The following ZNF417 variants were observed in gnomAD, a reference collection of about 807,000 sequenced individuals.
The protein encoded by ZNF417 is zinc finger protein 417.
A neutral mutation model predicts 7.4 loss-of-function variants in ZNF417; 5 were observed. The ratio of observed to expected loss-of-function variants is 0.68; its 90% CI spans 0.35 to 1.43. The LOEUF (loss-of-function observed/expected upper bound fraction) is 1.43. ZNF417 is among the 40% of genes most tolerant of loss of function. The probability of loss-of-function intolerance (pLI) is 0.04; values close to 1 mark genes in which losing one functional copy is unlikely to be tolerated. For synonymous variants in ZNF417, 147 were observed against 239.1 expected (o/e 0.61, Z 3.55); for missense variants, 437 against 697.3 (o/e 0.63, Z 4.20).
At position 57,908,844 on chromosome 19, in the gene ZNF417, G is replaced by A. The variant is rs376343392; in HGVS notation, c.1434C>T (p.Cys478=). Residue 478 remains cysteine (C), a synonymous_variant, in exon 3 of 3, where the codon TGC becomes TGT. Transcript: ENST00000312026. ...TGTGAATCCTCTGATGTATAGTCAC[G>A]CAGTTCTTATTACCAAATAATTTCC... is the stretch of plus-strand genomic sequence containing the variant. ...VCGKLFGNKN[C]VTIHQRIHTG... The A allele has an allele frequency of 4.2e-5, 68 of 1,614,064 alleles. No individual in the cohort carries two copies. Among genetic ancestry groups the A allele is most frequent in the African/African-American group, 3.2e-4 (24 of 75,002 alleles).
In ZNF417 at chr19:57,916,513, T is replaced by G; in HGVS notation, c.-102A>C. ...GACGATTCCTCTCCACCTTCTAGGTTCAGTCACCGCGGTCCCCCCCCAGCA... is the reference window on the plus strand; with the variant it reads ...GACGATTCCTCTCCACCTTCTAGGTGCAGTCACCGCGGTCCCCCCCCAGCA... On this transcript the variant is annotated 5_prime_UTR_variant, in exon 1 of 3. Transcript: ENST00000312026. 6.3e-7 allele frequency: 1 copy of G among 1,595,192 alleles called. No homozygotes were observed. Among genetic ancestry groups the G allele is most frequent in the African/African-American group, 1.3e-5 (1 of 74,614 alleles).
At chr19:57,913,632 G>A (rs2071918918) in intron 1 of ZNF417, among the ~76,000 whole-genome samples, 1 of 152,118 alleles carries the variant, frequency 6.6e-6, no homozygotes, top group African/African-American at 2.4e-5. Flanking sequence ...CACCAACTCA[G>A]GCAGAAGTGT....
Position 57,908,542 on chromosome 19 carries a change from C to T in ZNF417, c.*8G>A. 1 of 1,612,996 alleles carries T rather than the reference C, an allele frequency of 6.2e-7. No individual in the cohort carries two copies. The highest frequency in any genetic ancestry group is 8.5e-7 in the Non-Finnish European group (1 of 1,178,946). On this transcript the variant is annotated 3_prime_UTR_variant, in exon 3 of 3. Coordinates refer to ENST00000312026, the MANE Select transcript of ZNF417 (RefSeq NM_152475.3). ...GTTTCAGCAAACGATTTCCCATATT[C>T]ACTGCACTCATAAGGCCTTTCTCCT...
In ZNF417 at chr19:57,912,783, A is replaced by AT. The variant is rs996900764; in HGVS notation, c.34-595dup. 9.7e-3 allele frequency among the ~76,000 whole-genome samples: 1,408 copies of AT among 144,616 alleles called. 13 individuals are homozygous for AT. The highest frequency in any genetic ancestry group is 0.012 in the African/African-American group (490 of 39,544). 94.9% of individuals were successfully genotyped at this position (144,616 alleles called of 152,430 possible). A position where few individuals can be genotyped will look rare whatever the true frequency, so the allele number is the denominator to read the frequency against. On this transcript the variant is annotated intron_variant, in intron 1 of 2. Coordinates refer to ENST00000312026, the MANE Select transcript of ZNF417 (RefSeq NM_152475.3). ...ACCACTATACCCGGCTAATTTTTGT[A>AT]TTTTTTTTTTTGGTAGAGAGGGGGT...
At position 57,908,347 on chromosome 19, in the gene ZNF417, T is replaced by G; in HGVS notation, c.*203A>C. On this transcript the variant is annotated 3_prime_UTR_variant, in exon 3 of 3. Coordinates refer to ENST00000312026, the MANE Select transcript of ZNF417 (RefSeq NM_152475.3). ...TGAACCTGGGAGGCCCAAGTTGCAGTGAGCCAAGATTGCACCACTGCACTC... is the reference window on the plus strand; with the variant it reads ...TGAACCTGGGAGGCCCAAGTTGCAGGGAGCCAAGATTGCACCACTGCACTC... 2 of 951,654 alleles carry G rather than the reference T, an allele frequency of 2.1e-6. No homozygotes were observed. Among genetic ancestry groups the G allele is most frequent in the Non-Finnish European group, 1.5e-6 (1 of 650,272 alleles). The allele number at this position is 951,654 out of a possible 1,614,324, so 59.0% of individuals were successfully genotyped here.
At chr19:57,915,797 C>T (rs1452806104) in intron 1 of ZNF417, 1 of 413,120 alleles carries the variant, frequency 2.4e-6, no homozygotes, top group East Asian at 3.5e-5. Flanking sequence ...CAGCTTCTGA[C>T]TCCAAGAGTC....
chr19:57,912,538 C>T (rs1453960150), intron 1 of ZNF417, among the ~76,000 whole-genome samples: 1 of 152,104 alleles, frequency 6.6e-6, no homozygotes, highest in East Asian at 1.9e-4. Flanking sequence ...AAGACACATC[C>T]CCATGGCCAC....
chr19:57,916,342 TG>T, intron 1 of ZNF417, 36 bp downstream of exon 1: 1 of 1,614,112 alleles, frequency 6.2e-7, no homozygotes, highest in Non-Finnish European at 8.5e-7. Context: ...TGGGTGACGA[TG>T]GGGTGACCTG....
chr19:57,914,240 CT>C (rs1315136653), intron 1 of ZNF417, among the ~76,000 whole-genome samples: 1 of 152,026 alleles, frequency 6.6e-6, no homozygotes, highest in Non-Finnish European at 1.5e-5. Flanking sequence ...AATCCCAGCA[CT>C]TTGGGAGGCT....
intron 1 of ZNF417, among the ~76,000 whole-genome samples, chr19:57,913,870 A>T (rs1229552179): frequency 6.6e-6 from 1 of 152,118 alleles, no homozygotes; most frequent in Non-Finnish European, 1.5e-5. Flanking sequence ...TTTACCACCA[A>T]AATCTGAAGC....
At chr19:57,913,158 T>C (rs928403077) in intron 1 of ZNF417, among the ~76,000 whole-genome samples, 2 of 151,992 alleles carry the variant, frequency 1.3e-5, no homozygotes, top group Non-Finnish European at 2.9e-5. Flanking sequence ...TGTCCCACTT[T>C]CACAAGATGT....
chr19:57,908,522 A>G lies in ZNF417; in HGVS notation c.*28T>C. 1 of 1,612,516 alleles carries G rather than the reference A, an allele frequency of 6.2e-7. No homozygotes were observed. The highest frequency in any genetic ancestry group is 1.1e-5 in the South Asian group (1 of 91,054). ...TGTGTTTAATGAGACGGGATGTTTCAGCAAACGATTTCCCATATTCACTGC... is the reference window on the plus strand; with the variant it reads ...TGTGTTTAATGAGACGGGATGTTTCGGCAAACGATTTCCCATATTCACTGC... On this transcript the variant is annotated 3_prime_UTR_variant, in exon 3 of 3. Coordinates refer to ENST00000312026, the MANE Select transcript of ZNF417 (RefSeq NM_152475.3).
intron 1 of ZNF417, chr19:57,915,586 C>T (rs2071940455): frequency 5.2e-6 from 2 of 388,226 alleles, no homozygotes; most frequent in Admixed American, 3.8e-5. Context: ...CGTCTTGCTT[C>T]CAACCTTTCA....
chr19:57,916,394 C>T lies in ZNF417; in HGVS notation c.18G>A (p.Pro6=), dbSNP rs751012868. 23 of 1,614,038 alleles carry T rather than the reference C, an allele frequency of 1.4e-5. No homozygotes were observed. In the African/African-American group the frequency reaches 1.9e-4, roughly 13 times the overall value. Residue 6 remains proline (P), a synonymous_variant, in exon 1 of 3, where the codon CCG becomes CCA. Coordinates refer to ENST00000312026, the MANE Select transcript of ZNF417 (RefSeq NM_152475.3). MAAAA[P]RRPTQQGTVT... is the part of the protein sequence containing the mutation. ...CCACAATTACCTGAGTCGGGCGCCT[C>T]GGCGCAGCCGCTGCCATCGGACTAC...
Position 57,909,302 on chromosome 19 carries a change from A to G in ZNF417, c.976T>C (p.Cys326Arg), listed in dbSNP as rs763228554. Residue 326 changes from cysteine (C) to arginine (R), a missense_variant, in exon 3 of 3, where the codon TGT becomes CGT. Around this residue, in one of 5 missense-constraint regions of ZNF417, gnomAD observed 53 missense variants for 91.9 expected, o/e 0.58. Coordinates refer to ENST00000312026, the MANE Select transcript of ZNF417 (RefSeq NM_152475.3). ...RVHTGERPYECREYGKSFGQK... is the reference protein window; with the variant it reads ...RVHTGERPYERREYGKSFGQK... ...CCAAAAGATTTCCCATATTCTCTACACTCATAAGGCCTTTCTCCAGTGTGA... is the reference window on the plus strand; with the variant it reads ...CCAAAAGATTTCCCATATTCTCTACGCTCATAAGGCCTTTCTCCAGTGTGA... The G allele has an allele frequency of 1.9e-6, 3 of 1,614,088 alleles. No homozygotes were observed. Among genetic ancestry groups the G allele is most frequent in the Non-Finnish European group, 2.5e-6 (3 of 1,179,960 alleles).
At chr19:57,914,855 CCTGT>C (rs1207199208) in intron 1 of ZNF417, among the ~76,000 whole-genome samples, 1 of 152,100 alleles carries the variant, frequency 6.6e-6, no homozygotes, top group Admixed American at 6.5e-5. Context: ...GCCTCAGTAT[CCTGT>C]CTTTAGAGAT....
intron 1 of ZNF417, among the ~76,000 whole-genome samples, chr19:57,914,475 A>T (rs2071926961): frequency 8.6e-6 from 1 of 116,312 alleles, no homozygotes; most frequent in South Asian, 2.9e-4. Flanking sequence ...AACAAGACCG[A>T]AACTCCACAA....
chr19:57,915,646 A>G (rs2071941074), intron 1 of ZNF417: 1 of 377,628 alleles, frequency 2.6e-6, no homozygotes. Context: ...TAGGGAAGGA[A>G]TTCAGTTCAT....
Position 57,916,421 on chromosome 19 carries a change from T to A in ZNF417, c.-10A>T, listed in dbSNP as rs755101898. On this transcript the variant is annotated 5_prime_UTR_variant, in exon 1 of 3. Coordinates refer to ENST00000312026, the MANE Select transcript of ZNF417 (RefSeq NM_152475.3). The stretch of plus-strand genomic sequence containing the variant: ...GCGCAGCCGCTGCCATCGGACTACT[T>A]GGGGAAGCACGGCCCGGGAGCAGTG... 1 of 1,613,914 alleles carries A rather than the reference T, an allele frequency of 6.2e-7. No homozygotes were observed.
Sources: gnomAD v4.1 joint callset for allele counts (sites outside exome capture counted in the v4.1 genomes callset) on GRCh38, gnomAD v4.1.1 for gene constraint, gnomAD v4.1.1 regional missense constraint, MANE v1.5 for transcripts, NCBI Gene and HGNC (gene_info 2026-07-23, HGNC 2026-07-21) for gene names.